Variants in ZNF736 observed in about 807,000 individuals in gnomAD.
ZNF736 encodes KRAB-containing zinc-finger repressor protein.
Under a neutral mutation model 11.7 loss-of-function variants are expected in ZNF736, and 6 were observed. The observed-to-expected ratio is 0.51, with a 90% CI of 0.28 to 1.01. The LOEUF (loss-of-function observed/expected upper bound fraction) is 1.01, where lower values mean the gene tolerates loss of function less well. Among genes scored for constraint, ZNF736 ranks in the 50% least tolerant of loss-of-function variants. ZNF736 has a pLI of 0.09. For synonymous variants in ZNF736, 139 were observed against 164.7 expected (o/e 0.84, Z 1.19); for missense variants, 444 against 496.0 (o/e 0.90, Z 1.00).
chr7:64,319,999 G>C (rs1176068538), intron 1 of ZNF736, among the ~76,000 whole-genome samples: 1 of 151,930 alleles, frequency 6.6e-6, no homozygotes, highest in Non-Finnish European at 1.5e-5. Flanking sequence ...TTTAGTTCCA[G>C]AGAGAAGACT....
chr7:64,351,866 A>G lies in ZNF736; in HGVS notation c.*2719A>G, dbSNP rs1589848. ...TTACTTTTGGCCAAGTTAGGGGTTT[A>G]CTGTCTGCTGAGGAGCAGTGGGTAG... On this transcript the variant is annotated 3_prime_UTR_variant, in exon 4 of 4. Coordinates refer to ENST00000423484, the MANE Select transcript of ZNF736 (RefSeq NM_001170905.3). 52,007 of 152,094 alleles carry G rather than the reference A, an allele frequency of 0.34. 9,566 individuals are homozygous for G. The highest frequency in any genetic ancestry group is 0.49 in the African/African-American group (20,189 of 41,438). 9.4% of individuals were successfully genotyped at this position (152,094 alleles called of 1,614,324 possible).
chr7:64,342,884 A>G (rs183624504), intron 3 of ZNF736, among the ~76,000 whole-genome samples: 13 of 152,140 alleles, frequency 8.5e-5, no homozygotes, highest in Non-Finnish European at 1.5e-4. Flanking sequence ...ATTTTATTTT[A>G]TTCCATATTG....
At chr7:64,341,321 TTA>T (rs1018646377) in intron 3 of ZNF736, among the ~76,000 whole-genome samples, 1 of 150,190 alleles carries the variant, frequency 6.7e-6, no homozygotes, top group African/African-American at 2.4e-5. Context: ...TCTTTTTTTT[TTA>T]TGTTACGTGA....
At chr7:64,329,668 C>CA (rs1317064042) in intron 1 of ZNF736, among the ~76,000 whole-genome samples, 1 of 152,174 alleles carries the variant, frequency 6.6e-6, no homozygotes, top group Non-Finnish European at 1.5e-5. Context: ...GTAACACTAG[C>CA]ACCCCTGTGG....
At chr7:64,336,449 T>G in intron 2 of ZNF736, 64 bp downstream of exon 2, 1 of 1,472,578 alleles carries the variant, frequency 6.8e-7, no homozygotes, top group Non-Finnish European at 9.0e-7. Context: ...TTCTGATTTT[T>G]TTGGAGGTTC....
At chr7:64,343,953 C>CTTTTTTTTTTTTTTT in intron 3 of ZNF736, among the ~76,000 whole-genome samples, 1 of 147,982 alleles carries the variant, frequency 6.8e-6, no homozygotes. Flanking sequence ...TGTATATTTG[C>CTTTTTTTTTTTTTTT]TTTTTTTTTT....
intron 1 of ZNF736, among the ~76,000 whole-genome samples, chr7:64,324,200 C>T (rs1789046494): frequency 6.6e-6 from 1 of 152,162 alleles, no homozygotes. Context: ...TAACTTCTCA[C>T]AATATGCCCT....
At chr7:64,325,090 T>TA (rs1190071324) in intron 1 of ZNF736, among the ~76,000 whole-genome samples, 1 of 152,140 alleles carries the variant, frequency 6.6e-6, no homozygotes, top group Non-Finnish European at 1.5e-5. Flanking sequence ...ACCTCCCTCT[T>TA]ACCTATGGCT....
Position 64,350,126 on chromosome 7 carries a change from A to G in ZNF736, c.*979A>G, listed in dbSNP as rs1789466363. The G allele has an allele frequency of 6.6e-6, 1 of 152,290 alleles. No homozygotes were observed. The highest frequency in any genetic ancestry group is 2.1e-4 in the South Asian group (1 of 4,824). 9.4% of individuals were successfully genotyped at this position (152,290 alleles called of 1,614,324 possible). A position where few individuals can be genotyped will look rare whatever the true frequency, so the allele number is the denominator to read the frequency against. On this transcript the variant is annotated 3_prime_UTR_variant, in exon 4 of 4. Transcript: ENST00000423484. ...GCCTCTCTAGGTTGGGGAAGTTCTC[A>G]TGGATGTTATCCTGAAATACGTATT...
In ZNF736 at chr7:64,355,731, A is replaced by G. The variant is rs1267097373; in HGVS notation, c.*6584A>G. 1.3e-5 allele frequency: 2 copies of G among 153,824 alleles called. No homozygotes were observed. Among genetic ancestry groups the G allele is most frequent in the East Asian group, 1.9e-4 (1 of 5,276 alleles). The allele number at this position is 153,824 out of a possible 1,614,324, so 9.5% of individuals were successfully genotyped here. ...CATCCTCAACTTATTGTCTCCGAGG[A>G]TAGAAAAGCTGTGTGATGGAAGAAC... On this transcript the variant is annotated 3_prime_UTR_variant, in exon 4 of 4. Transcript: ENST00000423484.
chr7:64,314,265 C>T, intron 1 of ZNF736, 112 bp downstream of exon 1: 1 of 1,345,906 alleles, frequency 7.4e-7, no homozygotes. Flanking sequence ...GAGTCTGCAT[C>T]CCCGAGTCCC....
At chr7:64,346,586 C>T (rs1226099766) in intron 3 of ZNF736, among the ~76,000 whole-genome samples, 1 of 151,986 alleles carries the variant, frequency 6.6e-6, no homozygotes, top group Non-Finnish European at 1.5e-5. Flanking sequence ...ATAAATAACA[C>T]GTCTCTTTCT....
At chr7:64,316,037 T>A (rs1788912277) in intron 1 of ZNF736, among the ~76,000 whole-genome samples, 1 of 152,194 alleles carries the variant, frequency 6.6e-6, no homozygotes, top group Non-Finnish European at 1.5e-5. Context: ...TGTCTTTGGA[T>A]CCTTTGCAGG....
At chr7:64,341,693 T>C (rs1789340645) in intron 3 of ZNF736, among the ~76,000 whole-genome samples, 1 of 152,202 alleles carries the variant, frequency 6.6e-6, no homozygotes, top group Non-Finnish European at 1.5e-5. Flanking sequence ...ACCTGTTGTT[T>C]TAGATTTCTC....
chr7:64,317,108 T>C (rs630376), intron 1 of ZNF736, among the ~76,000 whole-genome samples: 148,567 of 152,334 alleles, frequency 0.98, 72,522 homozygotes, highest in Non-Finnish European at 1. Context: ...ATTTCTACTT[T>C]GTAGGAAGTA....
chr7:64,326,691 C>T (rs1789087405), intron 1 of ZNF736, among the ~76,000 whole-genome samples: 1 of 151,622 alleles, frequency 6.6e-6, no homozygotes, highest in African/African-American at 2.4e-5. Flanking sequence ...TAGGCACTTA[C>T]TGCTATAAAC....
intron 1 of ZNF736, among the ~76,000 whole-genome samples, chr7:64,322,874 C>T (rs1370916591): frequency 1.3e-5 from 2 of 152,118 alleles, no homozygotes; most frequent in African/African-American, 2.4e-5. Flanking sequence ...CATTTTAATT[C>T]TATAAAAAAT....
intron 1 of ZNF736, among the ~76,000 whole-genome samples, chr7:64,324,281 C>T (rs546398670): frequency 1.8e-4 from 28 of 152,244 alleles, no homozygotes; most frequent in African/African-American, 6.5e-4. Flanking sequence ...CAACAAATAA[C>T]ATAAGAGGAG....
intron 1 of ZNF736, among the ~76,000 whole-genome samples, chr7:64,329,919 A>G (rs1789137389): frequency 6.6e-6 from 1 of 152,146 alleles, no homozygotes; most frequent in Admixed American, 6.5e-5. Flanking sequence ...TTAGGAATCT[A>G]CTTGGTGCTC....
Sources: gnomAD v4.1 joint callset for allele counts (sites outside exome capture counted in the v4.1 genomes callset) on GRCh38, gnomAD v4.1.1 for gene constraint, MANE v1.5 for transcripts, NCBI Gene and HGNC (gene_info 2026-07-23, HGNC 2026-07-21) for gene names.